The following SLC35F1 variants were observed in gnomAD, a reference collection of about 807,000 sequenced individuals.
SLC35F1 encodes chromosome 6 open reading frame 169.
In SLC35F1, 14 loss-of-function variants were observed where a neutral mutation model predicts 48.7. The observed-to-expected ratio is 0.29, with a 90% CI of 0.19 to 0.45. The LOEUF is 0.45. SLC35F1 is among the 20% of genes least tolerant of loss of function. The probability of loss-of-function intolerance (pLI) is 1.00; values close to 1 mark genes in which losing one functional copy is unlikely to be tolerated. For missense variants in SLC35F1, 404 were observed against 500.0 expected (o/e 0.81, Z 1.83); for synonymous variants, 190 against 202.2 (o/e 0.94, Z 0.51).
intron 1 of SLC35F1, among the ~76,000 whole-genome samples, chr6:118,040,902 CAAACAAAT>C (rs1562271932): frequency 1.5e-5 from 2 of 135,938 alleles, no homozygotes; most frequent in Admixed American, 1.5e-4. Flanking sequence ...AGAGGGAACC[CAAACAAAT>C]AAACATTTGT....
chr6:118,130,233 TG>T (rs1773690017), intron 1 of SLC35F1, among the ~76,000 whole-genome samples: 1 of 152,302 alleles, frequency 6.6e-6, no homozygotes, highest in East Asian at 1.9e-4. Flanking sequence ...ACCTGTAAAA[TG>T]CTATGTAAAT....
intron 1 of SLC35F1, among the ~76,000 whole-genome samples, chr6:118,085,720 AT>A (rs59824236): frequency 0.93 from 141,331 of 151,808 alleles, 66,422 homozygotes; most frequent in East Asian, 1. Context: ...AGATAAATTA[AT>A]TATGATTATG....
chr6:118,230,227 C>A (rs530398444), intron 2 of SLC35F1, among the ~76,000 whole-genome samples: 2 of 152,158 alleles, frequency 1.3e-5, no homozygotes, highest in South Asian at 4.2e-4. Context: ...GTAGTCCCAG[C>A]CACTCGGGAG....
intron 1 of SLC35F1, among the ~76,000 whole-genome samples, chr6:117,908,274 G>A (rs1012076881): frequency 3.3e-5 from 5 of 152,208 alleles, no homozygotes; most frequent in Admixed American, 6.5e-5. Context: ...CGGGGACCCG[G>A]CCAGGGCTGA....
chr6:118,312,910 A>T (rs1776387395), intron 7 of SLC35F1, among the ~76,000 whole-genome samples: 1 of 152,126 alleles, frequency 6.6e-6, no homozygotes, highest in Non-Finnish European at 1.5e-5. Flanking sequence ...AGCATTAAGG[A>T]CAATAAAATT....
chr6:118,128,807 A>G (rs977323551), intron 1 of SLC35F1, among the ~76,000 whole-genome samples: 2 of 151,462 alleles, frequency 1.3e-5, no homozygotes, highest in South Asian at 2.1e-4. Context: ...AACTTAAAGT[A>G]TAATAATAAA....
intron 3 of SLC35F1, among the ~76,000 whole-genome samples, chr6:118,257,989 C>T (rs1775667499): frequency 6.6e-6 from 1 of 152,060 alleles, no homozygotes; most frequent in African/African-American, 2.4e-5. Flanking sequence ...AATGTACTAA[C>T]TTTATTACAC....
intron 1 of SLC35F1, among the ~76,000 whole-genome samples, chr6:118,002,987 T>G (rs918733538): frequency 2.0e-5 from 3 of 152,224 alleles, no homozygotes; most frequent in African/African-American, 7.2e-5. Flanking sequence ...GTCAGTCTTA[T>G]GCAGTATTGT....
chr6:118,112,584 C>T (rs1316508227), intron 1 of SLC35F1, among the ~76,000 whole-genome samples: 3 of 152,136 alleles, frequency 2.0e-5, no homozygotes, highest in African/African-American at 7.2e-5. Flanking sequence ...CTTTTGAGGT[C>T]TGCATCAGGA....
At chr6:117,945,697 T>C (rs1776287237) in intron 1 of SLC35F1, among the ~76,000 whole-genome samples, 1 of 152,214 alleles carries the variant, frequency 6.6e-6, no homozygotes, top group African/African-American at 2.4e-5. Flanking sequence ...CTGCTGTCTT[T>C]TCCCCACTGA....
intron 1 of SLC35F1, among the ~76,000 whole-genome samples, chr6:118,137,597 T>C (rs1381143867): frequency 6.6e-6 from 1 of 152,178 alleles, no homozygotes; most frequent in Non-Finnish European, 1.5e-5. Context: ...GGACCACCCA[T>C]ATGCATATTT....
At chr6:118,051,442 A>G (rs1455173249) in intron 1 of SLC35F1, among the ~76,000 whole-genome samples, 2 of 152,172 alleles carry the variant, frequency 1.3e-5, no homozygotes, top group Admixed American at 6.5e-5. Flanking sequence ...TGATTCTTGC[A>G]TGCTACTTTT....
At chr6:118,243,432 A>G (rs1334498758) in intron 3 of SLC35F1, among the ~76,000 whole-genome samples, 1 of 152,194 alleles carries the variant, frequency 6.6e-6, no homozygotes, top group Non-Finnish European at 1.5e-5. Flanking sequence ...TGGGCAACAT[A>G]GCAGGACCCC....
intron 1 of SLC35F1, among the ~76,000 whole-genome samples, chr6:118,021,572 G>A (rs1355371967): frequency 6.6e-6 from 1 of 152,134 alleles, no homozygotes; most frequent in Non-Finnish European, 1.5e-5. Flanking sequence ...TTCAATATGT[G>A]TAATTATTCT....
intron 2 of SLC35F1, among the ~76,000 whole-genome samples, chr6:118,196,996 G>A (rs1328402748): frequency 2.0e-5 from 3 of 149,252 alleles, no homozygotes; most frequent in African/African-American, 7.4e-5. Flanking sequence ...AAAATTACTT[G>A]ACCATTTTAG....
chr6:118,173,465 A>G (rs1259445568), intron 2 of SLC35F1, among the ~76,000 whole-genome samples: 2 of 152,064 alleles, frequency 1.3e-5, no homozygotes, highest in Non-Finnish European at 1.5e-5. Context: ...GAGGCAGATT[A>G]TAATTCTAAA....
intron 1 of SLC35F1, among the ~76,000 whole-genome samples, chr6:118,002,372 G>A (rs374014756): frequency 1.3e-5 from 2 of 151,420 alleles, no homozygotes; most frequent in African/African-American, 4.9e-5. Flanking sequence ...AACACCGCAT[G>A]TTCTCACTCA....
chr6:118,003,807 A>T (rs538617497), intron 1 of SLC35F1, among the ~76,000 whole-genome samples: 1 of 152,332 alleles, frequency 6.6e-6, no homozygotes, highest in South Asian at 2.1e-4. Flanking sequence ...CAGAACATGG[A>T]TCTGCCCTTC....
chr6:117,962,249 G>A (rs1776507106), intron 1 of SLC35F1, among the ~76,000 whole-genome samples: 1 of 152,152 alleles, frequency 6.6e-6, no homozygotes, highest in Non-Finnish European at 1.5e-5. Context: ...CTCCCTTCTT[G>A]AGTACTGTGT....
Sources: allele counts gnomAD v4.1 joint callset (sites outside exome capture counted in the v4.1 genomes callset), GRCh38; gene constraint gnomAD v4.1.1; transcripts MANE v1.5; gene names NCBI Gene and HGNC (gene_info 2026-07-23, HGNC 2026-07-21).